DGKG: variants seen among roughly 807,000 people sequenced by gnomAD.
The protein encoded by DGKG is diacylglycerol kinase gamma.
A neutral mutation model predicts 105.3 loss-of-function variants in DGKG; 78 were observed. That is an observed-to-expected ratio of 0.74 (90% CI 0.62 to 0.89). DGKG has a LOEUF of 0.89. Ranked by LOEUF, DGKG falls within the 40% of genes least tolerant of loss-of-function variation. The pLI is 0.00. For missense variants in DGKG, 958 were observed against 1,020.1 expected, an observed-to-expected ratio of 0.94 and a Z score of 0.83; for synonymous variants, 346 against 367.1, an observed-to-expected ratio of 0.94 and a Z score of 0.66.
At chr3:186,348,131 A>G (rs958990299) in intron 1 of DGKG, among the ~76,000 whole-genome samples, 19 of 152,214 alleles carry the variant, frequency 1.2e-4, no homozygotes, top group African/African-American at 4.6e-4. Flanking sequence ...TATTATCATT[A>G]AGTTTCTTAT....
chr3:186,318,696 G>A (rs1544701), intron 2 of DGKG, among the ~76,000 whole-genome samples: 97,277 of 151,902 alleles, frequency 0.64, 31,267 homozygotes, highest in Middle Eastern at 0.68. Context: ...ACGGCCATCC[G>A]CAAGCCAAAA....
intron 1 of DGKG, among the ~76,000 whole-genome samples, chr3:186,331,030 T>A (rs75682991): frequency 6.6e-6 from 1 of 152,202 alleles, no homozygotes; most frequent in African/African-American, 2.4e-5. Flanking sequence ...CTTATTCATG[T>A]CTTAAAATCT....
chr3:186,260,851 A>G (rs997897934), intron 15 of DGKG, among the ~76,000 whole-genome samples: 1 of 152,186 alleles, frequency 6.6e-6, no homozygotes, highest in Non-Finnish European at 1.5e-5. Flanking sequence ...CCTTCTCCCA[A>G]ATGTTCTGTA....
At chr3:186,215,701 GT>G (rs1044189197) in intron 20 of DGKG, among the ~76,000 whole-genome samples, 25 of 152,060 alleles carry the variant, frequency 1.6e-4, no homozygotes, top group African/African-American at 6.0e-4. Flanking sequence ...AAATTTAGGA[GT>G]TATTTTAGCT....
chr3:186,242,479 C>T (rs779852865), intron 20 of DGKG, 25 bp downstream of exon 20: 127 of 1,600,472 alleles, frequency 7.9e-5, no homozygotes, highest in Non-Finnish European at 1.0e-4. Context: ...GGGTGGGTGG[C>T]AGCGCAGCCG....
At chr3:186,346,356 G>T (rs1466099460) in intron 1 of DGKG, among the ~76,000 whole-genome samples, 1 of 152,058 alleles carries the variant, frequency 6.6e-6, no homozygotes, top group African/African-American at 2.4e-5. Flanking sequence ...ATGCCCTCTA[G>T]TGCCCTCTTA....
At chr3:186,193,693 C>A (rs1258331513) in intron 21 of DGKG, among the ~76,000 whole-genome samples, 2 of 152,326 alleles carry the variant, frequency 1.3e-5, no homozygotes, top group African/African-American at 4.8e-5. Flanking sequence ...GGGACGCTGT[C>A]GGCCTAAATG....
chr3:186,294,336 C>T (rs926482602), intron 5 of DGKG, among the ~76,000 whole-genome samples: 29 of 152,016 alleles, frequency 1.9e-4, no homozygotes, highest in Admixed American at 1.6e-3. Context: ...TTCTAGGTTC[C>T]TCTTGAAGTT....
intron 24 of DGKG, among the ~76,000 whole-genome samples, chr3:186,152,164 G>T (rs1436060167): frequency 6.6e-6 from 1 of 152,128 alleles, no homozygotes; most frequent in Non-Finnish European, 1.5e-5. Context: ...AGCATAACCT[G>T]GTGCTAAAAG....
intron 3 of DGKG, among the ~76,000 whole-genome samples, chr3:186,305,043 A>G (rs1724159250): frequency 6.6e-6 from 1 of 152,250 alleles, no homozygotes; most frequent in African/African-American, 2.4e-5. Context: ...TATTCAGTCC[A>G]CAAATGTTTA....
In DGKG at chr3:186,261,696, T is replaced by C. The variant is rs1378366270; in HGVS notation, c.1349+3A>G. The C allele has an allele frequency of 6.3e-7, 1 of 1,599,962 alleles. No individual in the cohort carries two copies. The highest frequency in any genetic ancestry group is 1.1e-5 in the South Asian group (1 of 88,438). ...CTCCACTTTGAAACAGAAGAGAACG[T>C]ACCTTTCTCCTTGTCTCCCTCCACT... On this transcript the variant is annotated splice_donor_region_variant and intron_variant, in intron 15 of 24. Coordinates refer to ENST00000265022, the MANE Select transcript of DGKG (RefSeq NM_001346.3).
chr3:186,358,659 CTT>C (rs571198419), intron 1 of DGKG, among the ~76,000 whole-genome samples: 1 of 142,716 alleles, frequency 7.0e-6, no homozygotes, highest in Non-Finnish European at 1.5e-5. Flanking sequence ...GCCTTGATTT[CTT>C]TTTTTTTTTT....
At chr3:186,167,313 A>T (rs1441237093) in intron 22 of DGKG, among the ~76,000 whole-genome samples, 1 of 152,216 alleles carries the variant, frequency 6.6e-6, no homozygotes, top group Non-Finnish European at 1.5e-5. Context: ...TGCCGAACTC[A>T]TCTTTCCTTC....
chr3:186,148,097 T>C lies in DGKG; in HGVS notation c.*1993A>G. ...TTAGAGGCAGCTCAGTGGAACGATA[T>C]CAAGTGGGTCCAAGTTTCCACTGAT... On this transcript the variant is annotated 3_prime_UTR_variant, in exon 25 of 25. Coordinates refer to ENST00000265022, the MANE Select transcript of DGKG (RefSeq NM_001346.3). 1 of 985,420 alleles carries C rather than the reference T, an allele frequency of 1.0e-6. No individual in the cohort carries two copies. Among genetic ancestry groups the C allele is most frequent in the Non-Finnish European group, 1.2e-6 (1 of 829,938 alleles). 61.0% of individuals were successfully genotyped at this position (985,420 alleles called of 1,614,324 possible).
Position 186,268,821 on chromosome 3 carries a change from A to T in DGKG, c.1096T>A (p.Cys366Ser), listed in dbSNP as rs1560125107. The T allele has an allele frequency of 6.2e-7, 1 of 1,612,822 alleles. No individual in the cohort carries two copies. Among genetic ancestry groups the T allele is most frequent in the East Asian group, 2.2e-5 (1 of 44,864 alleles). ...CCCACCGTCATCCGGCACCACACGC[A>T]GTGCCGCGCGGTGACACTCTGGTAG... is the stretch of plus-strand genomic sequence containing the variant. Reference protein sequence around the residue: ...KCYQSVTARHCVWCRMTFHRK... With the variant: ...KCYQSVTARHSVWCRMTFHRK... The change falls in exon 12 of 25, where the codon TGC (cysteine) becomes AGC (serine). Residue 366 changes from cysteine to serine, a missense_variant. Cys to Ser is a moderately radical substitution (Grantham distance 112, BLOSUM62 -1). Around this residue, in one of 2 missense-constraint regions of DGKG, gnomAD observed 643 missense variants for 619.5 expected, o/e 1.04. Coordinates refer to ENST00000265022, the MANE Select transcript of DGKG (RefSeq NM_001346.3).
chr3:186,192,525 C>T (rs368960503), intron 21 of DGKG, among the ~76,000 whole-genome samples: 9 of 152,182 alleles, frequency 5.9e-5, no homozygotes, highest in East Asian at 1.9e-4. Context: ...GCGATCTTCA[C>T]ATGAACATGA....
rs1286120402 is a variant in DGKG at position 186,284,089 on chromosome 3, A to G, written c.594+571T>C. Among the ~76,000 whole-genome samples the G allele has an allele frequency of 6.6e-6, 1 of 152,088 alleles. No individual in the cohort carries two copies. The highest frequency in any genetic ancestry group is 6.6e-5 in the Admixed American group (1 of 15,266). On this transcript the variant is annotated intron_variant, in intron 7 of 24. Transcript: ENST00000265022. The surrounding 1 kb of genome is among the most constrained non-coding windows in gnomAD (Gnocchi z 4.0). ...GTGAGGGTGAGTCTCAGGCTTTCTC[A>G]GGTGCAATGGGATGGGAACATGTAC...
intron 6 of DGKG, among the ~76,000 whole-genome samples, chr3:186,285,037 G>A (rs1213743818): frequency 6.6e-6 from 1 of 152,178 alleles, no homozygotes; most frequent in African/African-American, 2.4e-5. Context: ...TGGGGGTGGG[G>A]CAGAGGCACC....
rs1378252003 is a variant in DGKG at position 186,361,180 on chromosome 3, C to T, written c.-249+766G>A. 6.6e-6 allele frequency among the ~76,000 whole-genome samples: 1 copy of T among 152,214 alleles called. No homozygotes were observed. The highest frequency in any genetic ancestry group is 1.5e-5 in the Non-Finnish European group (1 of 68,028). Reference sequence around the variant, plus strand: ...AGTGATGGTGGGGATGGGGGCAGCACGTCAAATCACCTGTAGGGCTTTTTA... The same window carrying T: ...AGTGATGGTGGGGATGGGGGCAGCATGTCAAATCACCTGTAGGGCTTTTTA... On this transcript the variant is annotated intron_variant, in intron 1 of 24. Coordinates refer to ENST00000265022, the MANE Select transcript of DGKG (RefSeq NM_001346.3). The surrounding 1 kb of genome is among the most constrained non-coding windows in gnomAD (Gnocchi z 6.8).
Sources: allele counts gnomAD v4.1 joint callset (sites outside exome capture counted in the v4.1 genomes callset), GRCh38; gene constraint gnomAD v4.1.1; regional missense constraint gnomAD v4.1.1; non-coding constraint Gnocchi (gnomAD v3.1); transcripts MANE v1.5; gene names NCBI Gene and HGNC (gene_info 2026-07-23, HGNC 2026-07-21).